CAPN15: variants seen among roughly 807,000 people sequenced by gnomAD.
The protein encoded by CAPN15 is calpain-15.
A neutral mutation model predicts 97.9 loss-of-function variants in CAPN15; 53 were observed. The observed-to-expected ratio is 0.54, with a 90% CI of 0.43 to 0.68. CAPN15 has a LOEUF of 0.68. Among genes scored for constraint, CAPN15 ranks in the 30% least tolerant of loss-of-function variants. The pLI is 0.00. For synonymous variants in CAPN15, 922 were observed against 722.5 expected, an observed-to-expected ratio of 1.28 and a Z score of -4.43; for missense variants, 1,592 against 1,589.8, an observed-to-expected ratio of 1.00 and a Z score of -0.02.
intron 3 of CAPN15, among the ~76,000 whole-genome samples, chr16:545,632 C>G (rs2034532766): frequency 6.6e-6 from 1 of 152,250 alleles, no homozygotes; most frequent in East Asian, 1.9e-4. Context: ...ATTGTTTGGT[C>G]CTGGGGACCC....
chr16:529,669 G>C (rs1161217330), intron 1 of CAPN15, among the ~76,000 whole-genome samples: 1 of 152,216 alleles, frequency 6.6e-6, no homozygotes, highest in African/African-American at 2.4e-5. Flanking sequence ...TCTGGCCCGC[G>C]GTGTGATGCC....
chr16:534,038 T>A (rs11646982), intron 2 of CAPN15, 40 bp downstream of exon 2: 202 of 957,050 alleles, frequency 2.1e-4, no homozygotes, highest in Non-Finnish European at 2.5e-4. Context: ...TTTATGGGTT[T>A]GCTTGCGCTG....
chr16:540,451 A>AGGTGCTTGCAGAGAAGTG (rs1274791442), intron 3 of CAPN15: 7 of 670,628 alleles, frequency 1.0e-5, no homozygotes, highest in South Asian at 6.6e-5. Context: ...TCCTTGGCAG[A>AGGTGCTTGCAGAGAAGTG]GGTGCTTGCA....
At chr16:539,086 CAG>C (rs1010312875) in intron 3 of CAPN15, 1 of 152,234 alleles carries the variant, frequency 6.6e-6, no homozygotes, top group Admixed American at 6.6e-5. Flanking sequence ...TCTATAAAGA[CAG>C]GGTCTCACTG....
rs777447264 is a variant in CAPN15 at position 547,493 on chromosome 16, G to A, written c.655G>A (p.Gly219Ser). Reference sequence around the variant, plus strand: ...GGCCAACCCCCCAGCCACCAGCCAGGGCCCAGCTGCCGAACCAGAGCCGCC... The same window carrying A: ...GGCCAACCCCCCAGCCACCAGCCAGAGCCCAGCTGCCGAACCAGAGCCGCC... ...AEANPPATSQ[G>S]PAAEPEPPRV... The change falls in exon 4 of 14, where the codon GGC (glycine) becomes AGC (serine). Residue 219 changes from glycine (G) to serine (S), a missense_variant. Physicochemically the swap from Gly to Ser is moderately conservative, Grantham distance 56. Transcript: ENST00000219611. 8.3e-5 allele frequency: 133 copies of A among 1,597,556 alleles called. No homozygotes were observed. Among genetic ancestry groups the A allele is most frequent in the Non-Finnish European group, 1.1e-4 (128 of 1,178,936 alleles).
At position 552,574 on chromosome 16, in the gene CAPN15, A is replaced by G. The variant is rs2035171687; in HGVS notation, c.2738-31A>G. 1.9e-6 allele frequency: 3 copies of G among 1,559,356 alleles called. No homozygotes were observed. The highest frequency in any genetic ancestry group is 2.6e-6 in the Non-Finnish European group (3 of 1,155,930). ...AGGCTCATGCCCCAGGCCCACGGGG[A>G]GGGCTGCGGTTCACACGCCCGTCCT... is the stretch of plus-strand genomic sequence containing the variant. On this transcript the variant is annotated intron_variant, in intron 11 of 13. Coordinates refer to ENST00000219611, the MANE Select transcript of CAPN15 (RefSeq NM_005632.3). This position sits in a 1 kb window ranked among gnomAD's most constrained non-coding sequence, Gnocchi z 6.4.
Position 551,494 on chromosome 16 carries a change from C to T in CAPN15, c.2193-18C>T, listed in dbSNP as rs147001521. The stretch of plus-strand genomic sequence containing the variant: ...ACTCGGGCAGTGTGGTTCAGATCCT[C>T]ACCCCTGTGGTCTGCAGGCTTCTGC... On this transcript the variant is annotated intron_variant, in intron 8 of 13. Transcript: ENST00000219611. 61,593 of 1,604,498 alleles carry T rather than the reference C, an allele frequency of 0.038. 1,449 individuals carry two copies. Among genetic ancestry groups the T allele is most frequent in the Non-Finnish European group, 0.047 (55,155 of 1,173,280 alleles).
rs759844864 is a variant in CAPN15 at position 540,031 on chromosome 16, G to A, written c.-23+3889G>A. On this transcript the variant is annotated intron_variant, in intron 3 of 13. Transcript: ENST00000219611. ...CTCCCGGGCTGTGTGTGTGAATCAT[G>A]CTGTTTCTTCTCTATTTTCTCTCTC... 166 of 964,812 alleles carry A rather than the reference G, an allele frequency of 1.7e-4. No individual in the cohort carries two copies. In the Middle Eastern group the frequency reaches 2.7e-3, roughly 15 times the overall value. The allele number at this position is 964,812 out of a possible 1,614,324, so 59.8% of individuals were successfully genotyped here.
chr16:551,129 T>C (rs116135632), intron 7 of CAPN15, among the ~76,000 whole-genome samples, 173 bp from the exon 8 acceptor site: 534 of 8,926 alleles, frequency 0.06, 5 homozygotes, highest in African/African-American at 0.13. Flanking sequence ...GGGCCCCTGT[T>C]GGTGAGGGCC....
intron 1 of CAPN15, among the ~76,000 whole-genome samples, chr16:533,687 C>T (rs555558717): frequency 1.4e-3 from 219 of 152,268 alleles, no homozygotes; most frequent in Non-Finnish European, 2.6e-3. Context: ...GGAGGTTGAC[C>T]GCACTGGACA....
Position 552,685 on chromosome 16 carries a change from G to C in CAPN15, c.2818G>C (p.Val940Leu), listed in dbSNP as rs2035182324. Reference sequence around the variant, plus strand: ...GCTGGCTGTGTACAGCTCGAGGCTGGTCATGGTGGAGCCCGTGGAAGCCCA... The same window carrying C: ...GCTGGCTGTGTACAGCTCGAGGCTGCTCATGGTGGAGCCCGTGGAAGCCCA... ...HVLAVYSSRL[V>L]MVEPVEAQPT... Residue 940 changes from valine to leucine, a missense_variant, in exon 12 of 14, where the codon GTC becomes CTC. Around this residue, in one of 3 missense-constraint regions of CAPN15, gnomAD observed 644 missense variants for 699.6 expected, o/e 0.92. Coordinates refer to ENST00000219611, the MANE Select transcript of CAPN15 (RefSeq NM_005632.3). This position sits in a 1 kb window ranked among gnomAD's most constrained non-coding sequence, Gnocchi z 6.4. 4.5e-6 allele frequency: 7 copies of C among 1,544,412 alleles called. No individual in the cohort carries two copies. The highest frequency in any genetic ancestry group is 1.4e-5 in the African/African-American group (1 of 72,942).
chr16:550,838 G>A (rs1339003131), intron 7 of CAPN15, among the ~76,000 whole-genome samples: 1 of 124,800 alleles, frequency 8.0e-6, no homozygotes, highest in Non-Finnish European at 1.6e-5. Context: ...CCCCGTCGGT[G>A]ATGGCCCCGG....
In CAPN15 at chr16:547,533, T is replaced by C; in HGVS notation, c.695T>C (p.Phe232Ser). ...AEPEPPRVPP[F>S]SPFSSTLQNN... The stretch of plus-strand genomic sequence containing the variant: ...CCAGAGCCGCCCAGGGTCCCGCCCT[T>C]CAGCCCCTTCTCGTCCACCCTGCAG... Residue 232 changes from phenylalanine (F) to serine (S), a missense_variant, in exon 4 of 14, where the codon TTC (phenylalanine) becomes TCC (serine). By Grantham distance (155) the Phe-to-Ser change is radical. Transcript: ENST00000219611. 1 of 1,597,814 alleles carries C rather than the reference T, an allele frequency of 6.3e-7. No homozygotes were observed. The highest frequency in any genetic ancestry group is 1.1e-5 in the South Asian group (1 of 91,022).
At position 554,428 on chromosome 16, in the gene CAPN15, G is replaced by T. The variant is rs2035308457; in HGVS notation, c.*912G>T. The T allele has an allele frequency of 2.3e-6, 1 of 443,180 alleles. No individual in the cohort carries two copies. Among genetic ancestry groups the T allele is most frequent in the Admixed American group, 2.4e-5 (1 of 41,750 alleles). The allele number at this position is 443,180 out of a possible 1,614,324, so 27.5% of individuals were successfully genotyped here. A position where few individuals can be genotyped will look rare whatever the true frequency, so the allele number is the denominator to read the frequency against. ...CTCCTACCCCGGCAGGGGCTTCCGG[G>T]GCCTTTTCACCTGGAGAAACATTCC... On this transcript the variant is annotated 3_prime_UTR_variant, in exon 14 of 14. Transcript: ENST00000219611.
At chr16:544,732 TCGCCTCCCCCACGTCGTCGC>T (rs1567146077) in intron 3 of CAPN15, among the ~76,000 whole-genome samples, 9 of 34,028 alleles carry the variant, frequency 2.6e-4, no homozygotes, top group South Asian at 2.2e-3. Context: ...CTCCCCCACG[TCGCCTCCCCCACGTCGTCGC>T]CTCCCCCACG....
Position 553,876 on chromosome 16 carries a change from A to C in CAPN15, c.*360A>C. 4 of 208,396 alleles carry C rather than the reference A, an allele frequency of 1.9e-5. No homozygotes were observed. Among genetic ancestry groups the C allele is most frequent in the Admixed American group, 5.5e-5 (1 of 18,238 alleles). 12.9% of individuals were successfully genotyped at this position (208,396 alleles called of 1,614,324 possible). On this transcript the variant is annotated 3_prime_UTR_variant, in exon 14 of 14. Transcript: ENST00000219611. The stretch of plus-strand genomic sequence containing the variant: ...AGGCAGCCAGGAGCTCTGTCCGCAA[A>C]ACCAAATCTGGGTGTCAGAGGCCAA...
chr16:554,309 A>C lies in CAPN15; in HGVS notation c.*793A>C, dbSNP rs1187815023. The C allele has an allele frequency of 1.4e-5, 5 of 352,916 alleles. No individual in the cohort carries two copies. The highest frequency in any genetic ancestry group is 2.8e-5 in the Non-Finnish European group (5 of 179,014). 21.9% of individuals were successfully genotyped at this position (352,916 alleles called of 1,614,324 possible). On this transcript the variant is annotated 3_prime_UTR_variant, in exon 14 of 14. Transcript: ENST00000219611. ...CTCAGCCGCTCCCACCTCCCCACAG[A>C]AGCCCAGGAGTGTGTGGACGTCTGA... is the stretch of plus-strand genomic sequence containing the variant.
chr16:537,728 T>C (rs529849360), intron 3 of CAPN15: 2 of 152,696 alleles, frequency 1.3e-5, no homozygotes, highest in African/African-American at 4.8e-5. Context: ...GTTTGGGTGG[T>C]TCCGGCGTCT....
intron 3 of CAPN15, among the ~76,000 whole-genome samples, chr16:543,762 G>A (rs2034324851): frequency 6.6e-6 from 1 of 152,192 alleles, no homozygotes; most frequent in Admixed American, 6.5e-5. Context: ...GGCGACCCCT[G>A]CCGTGCTCCG....
Sources: gnomAD v4.1 joint callset for allele counts (sites outside exome capture counted in the v4.1 genomes callset) on GRCh38, gnomAD v4.1.1 for gene constraint, gnomAD v4.1.1 regional missense constraint, Gnocchi (gnomAD v3.1) non-coding constraint, MANE v1.5 for transcripts, NCBI Gene and HGNC (gene_info 2026-07-23, HGNC 2026-07-21) for gene names.